The following PPP2R5A variants were observed in gnomAD, a reference collection of about 807,000 sequenced individuals.
PPP2R5A encodes serine/threonine-protein phosphatase 2A 56 kDa regulatory subunit alpha isoform.
A neutral mutation model predicts 64.2 loss-of-function variants in PPP2R5A; 25 were observed. The observed-to-expected ratio is 0.39, with a 90% CI of 0.28 to 0.54. PPP2R5A has a LOEUF of 0.54. Ranked by LOEUF, PPP2R5A falls within the 20% of genes least tolerant of loss-of-function variation. The pLI is 0.67. For synonymous variants in PPP2R5A, 198 were observed against 201.2 expected (o/e 0.98, Z 0.13); for missense variants, 425 against 576.3 (o/e 0.74, Z 2.69).
intron 1 of PPP2R5A, among the ~76,000 whole-genome samples, chr1:212,286,681 C>G (rs1453787143): frequency 1.3e-5 from 2 of 152,160 alleles, no homozygotes; most frequent in African/African-American, 4.8e-5. Flanking sequence ...CTTCACTTTC[C>G]CGAGTGTCAG....
At chr1:212,311,700 G>C (rs1659037290) in intron 1 of PPP2R5A, among the ~76,000 whole-genome samples, 1 of 152,072 alleles carries the variant, frequency 6.6e-6, no homozygotes. Flanking sequence ...CTGACCCTGG[G>C]TAGGCCTAAG....
At chr1:212,336,996 G>A (rs1484984103) in intron 3 of PPP2R5A, among the ~76,000 whole-genome samples, 2 of 152,052 alleles carry the variant, frequency 1.3e-5, no homozygotes, top group Non-Finnish European at 2.9e-5. Context: ...TTCTAAACAT[G>A]TGCTAATAAA....
chr1:212,345,698 T>C, intron 4 of PPP2R5A, 105 bp from the exon 5 acceptor site: 1 of 1,253,726 alleles, frequency 8.0e-7, no homozygotes, highest in Non-Finnish European at 1.1e-6. Flanking sequence ...GGAAGAACTC[T>C]AAAAAATTTT....
intron 1 of PPP2R5A, among the ~76,000 whole-genome samples, chr1:212,288,408 A>G (rs897472331): frequency 1.3e-5 from 2 of 152,250 alleles, no homozygotes; most frequent in Non-Finnish European, 2.9e-5. Context: ...AAGGTGCCAT[A>G]TAGTATTTGG....
rs1553273304 is a variant in PPP2R5A at position 212,297,809 on chromosome 1, G to GTTTTTTTTTTTTTTTCT, written c.181+11524_181+11540dup. The GTTTTTTTTTTTTTTTCT allele has an allele frequency of 2.0e-3, 81 of 40,416 alleles. 11 individuals carry two copies. Among genetic ancestry groups the GTTTTTTTTTTTTTTTCT allele is most frequent in the Non-Finnish European group, 2.5e-3 (56 of 22,260 alleles). The allele number at this position is 40,416 out of a possible 1,614,324, so 2.5% of individuals were successfully genotyped here. A position where few individuals can be genotyped will look rare whatever the true frequency, so the allele number is the denominator to read the frequency against. On this transcript the variant is annotated intron_variant, in intron 1 of 12. Coordinates refer to ENST00000261461, the MANE Select transcript of PPP2R5A (RefSeq NM_006243.4). ...ACTGAGAAACAAGATGAAGTGAATT[G>GTTTTTTTTTTTTTTTCT]TTTTTTTTTTTTTTTCTTTTTTATT... is the stretch of plus-strand genomic sequence containing the variant.
At chr1:212,349,026 G>A (rs549790857) in intron 7 of PPP2R5A, among the ~76,000 whole-genome samples, 163 bp from the exon 8 acceptor site, 3 of 152,086 alleles carry the variant, frequency 2.0e-5, no homozygotes, top group South Asian at 4.1e-4. Context: ...ATAGTTTCAC[G>A]ATTGAGGTAT....
chr1:212,354,748 A>G (rs1328283066), intron 8 of PPP2R5A, among the ~76,000 whole-genome samples: 3 of 145,762 alleles, frequency 2.1e-5, no homozygotes, highest in Admixed American at 1.4e-4. Context: ...GAGAGAGAGA[A>G]ATGTGATTCC....
At chr1:212,299,402 T>C (rs1478327414) in intron 1 of PPP2R5A, 1 of 152,228 alleles carries the variant, frequency 6.6e-6, no homozygotes, top group Non-Finnish European at 1.5e-5. Context: ...CTGATTAGAA[T>C]CTACTTGTTT....
chr1:212,319,119 A>C (rs934606983), intron 1 of PPP2R5A, among the ~76,000 whole-genome samples: 1 of 152,226 alleles, frequency 6.6e-6, no homozygotes, highest in Non-Finnish European at 1.5e-5. Context: ...TCAGTTCAAG[A>C]AAACCTGGTT....
At chr1:212,343,528 T>TCATATAAA (rs1659723187) in intron 4 of PPP2R5A, among the ~76,000 whole-genome samples, 1 of 152,244 alleles carries the variant, frequency 6.6e-6, no homozygotes, top group African/African-American at 2.4e-5. Context: ...TATTCTGACC[T>TCATATAAA]GTTGCTGTGA....
intron 6 of PPP2R5A, among the ~76,000 whole-genome samples, chr1:212,348,127 A>G (rs574229515): frequency 1.3e-5 from 2 of 152,380 alleles, no homozygotes; most frequent in South Asian, 4.1e-4. Context: ...GCAACAATGC[A>G]TAAAGTGACA....
At chr1:212,331,618 A>C (rs573653173) in intron 2 of PPP2R5A, 1 of 152,322 alleles carries the variant, frequency 6.6e-6, no homozygotes, top group South Asian at 2.1e-4. Context: ...TCATTTAAAA[A>C]GTTCAGGGAG....
In PPP2R5A at chr1:212,299,050, C is replaced by CA. The variant is rs1313725819; in HGVS notation, c.181+12759_181+12760insA. Reference sequence around the variant, plus strand: ...CCGGCCGGGGCGGCTGGCCGACACCCCCCCCCCCCGCCTCCCTCCCGGACG... The same window carrying CA: ...CCGGCCGGGGCGGCTGGCCGACACCCACCCCCCCCCGCCTCCCTCCCGGACG... On this transcript the variant is annotated intron_variant, in intron 1 of 12. Coordinates refer to ENST00000261461, the MANE Select transcript of PPP2R5A (RefSeq NM_006243.4). Among the ~76,000 whole-genome samples, 2 of 23,300 alleles carry CA rather than the reference C, an allele frequency of 8.6e-5. 1 individual carries two copies. Among genetic ancestry groups the CA allele is most frequent in the Non-Finnish European group, 1.6e-4 (2 of 12,826 alleles). The allele number at this position is 23,300 out of a possible 152,430, so 15.3% of individuals were successfully genotyped here.
At chr1:212,324,751 C>G (rs943491401) in intron 1 of PPP2R5A, among the ~76,000 whole-genome samples, 1 of 152,034 alleles carries the variant, frequency 6.6e-6, no homozygotes, top group Non-Finnish European at 1.5e-5. Context: ...ACTACAGGTG[C>G]CTGCCACCAT....
rs531364311 is a variant in PPP2R5A, at chr1:212,361,235, C to T, written c.*465C>T. The T allele has an allele frequency of 1.3e-5, 2 of 152,782 alleles. No homozygotes were observed. The highest frequency in any genetic ancestry group is 6.5e-5 in the Admixed American group (1 of 15,298). 9.5% of individuals were successfully genotyped at this position (152,782 alleles called of 1,614,324 possible). A position where few individuals can be genotyped will look rare whatever the true frequency, so the allele number is the denominator to read the frequency against. ...GTATCATCCTTACCCTTCTCTTTGT[C>T]TCACCCAGAAATATGATGGGGGGAA... On this transcript the variant is annotated 3_prime_UTR_variant, in exon 13 of 13. Transcript: ENST00000261461.
At chr1:212,352,416 T>C (rs1558155040) in intron 8 of PPP2R5A, among the ~76,000 whole-genome samples, 1 of 151,690 alleles carries the variant, frequency 6.6e-6, no homozygotes, top group African/African-American at 2.4e-5. Context: ...ATGATGAGGG[T>C]AAGGAACTAC....
At chr1:212,312,225 C>T (rs1659052291) in intron 1 of PPP2R5A, among the ~76,000 whole-genome samples, 1 of 152,166 alleles carries the variant, frequency 6.6e-6, no homozygotes. Context: ...TACCATATAG[C>T]CTAGGCGTGT....
rs1660028459 is a variant in PPP2R5A, at chr1:212,358,716, GA to G, written c.1261del (p.Thr421ProfsTer2). On this transcript the variant is annotated frameshift_variant, in exon 12 of 13. Transcript: ENST00000261461. LOFTEE classifies it high-confidence loss of function. The stretch of plus-strand genomic sequence containing the variant: ...TTGTAGCACTGGTATACAATGTGCT[GA>G]AAACCCTAATGGAAATGAATGGCAA... ...TIVALVYNVL[K>X]TLMEMNGKLF... 1 of 1,613,400 alleles carries G rather than the reference GA, an allele frequency of 6.2e-7. No individual in the cohort carries two copies. Among genetic ancestry groups the G allele is most frequent in the Non-Finnish European group, 8.5e-7 (1 of 1,179,670 alleles).
At chr1:212,335,638 G>C (rs1659581057) in intron 3 of PPP2R5A, among the ~76,000 whole-genome samples, 1 of 152,144 alleles carries the variant, frequency 6.6e-6, no homozygotes, top group African/African-American at 2.4e-5. Flanking sequence ...AGTGAAAGCT[G>C]ATAATGGTTT....
Sources: allele counts gnomAD v4.1 joint callset (sites outside exome capture counted in the v4.1 genomes callset), GRCh38; gene constraint gnomAD v4.1.1; transcripts MANE v1.5; gene names NCBI Gene and HGNC (gene_info 2026-07-23, HGNC 2026-07-21).